The following NBAS variants were observed in gnomAD, a reference collection of about 807,000 sequenced individuals.
NBAS encodes NBAS subunit of NRZ tethering complex, also known as NAG/BC035112 fusion.
A neutral mutation model predicts 302.5 loss-of-function variants in NBAS; 219 were observed. The observed-to-expected ratio is 0.72, with a 90% CI of 0.65 to 0.81. The LOEUF (loss-of-function observed/expected upper bound fraction) is 0.81. NBAS is among the 30% of genes least tolerant of loss of function. NBAS has a pLI of 0.00. For synonymous variants in NBAS, 1,118 were observed against 1,021.6 expected, an observed-to-expected ratio of 1.09 and a Z score of -1.80; for missense variants, 2,932 against 2,841.6, an observed-to-expected ratio of 1.03 and a Z score of -0.72.
the NBAS span, among the ~76,000 whole-genome samples, chr2:14,844,773 C>T: frequency 6.6e-6 from 1 of 152,196 alleles, no homozygotes; most frequent in African/African-American, 2.4e-5. Flanking sequence ...GCAGTACTCC[C>T]TGAAAGCCTG....
the NBAS span, among the ~76,000 whole-genome samples, chr2:15,137,938 A>C: frequency 6.6e-6 from 1 of 152,094 alleles, no homozygotes; most frequent in African/African-American, 2.4e-5. Context: ...TCCAGCTAAA[A>C]TGGCAGGATT....
chr2:15,001,512 A>T, the NBAS span, among the ~76,000 whole-genome samples: 3 of 152,182 alleles, frequency 2.0e-5, no homozygotes, highest in Non-Finnish European at 4.4e-5. Context: ...AAACCTACAT[A>T]CTTAGATTAC....
chr2:15,343,301 G>C (rs570253480), intron 35 of NBAS, among the ~76,000 whole-genome samples: 4 of 152,236 alleles, frequency 2.6e-5, no homozygotes, highest in African/African-American at 9.6e-5. Flanking sequence ...ACATATTCTG[G>C]AGTGAAGTGC....
the NBAS span, among the ~76,000 whole-genome samples, chr2:14,894,223 C>A: frequency 6.6e-6 from 1 of 151,944 alleles, no homozygotes; most frequent in East Asian, 1.9e-4. Flanking sequence ...AGAGAGTAAA[C>A]CAAGAAAGAA....
chr2:15,422,318 A>G (rs768960486), intron 23 of NBAS, among the ~76,000 whole-genome samples: 2 of 152,082 alleles, frequency 1.3e-5, no homozygotes, highest in Non-Finnish European at 2.9e-5. Flanking sequence ...TTCTTTTTAG[A>G]GCTGAGTAAA....
In NBAS at chr2:15,417,511, T is replaced by G. The variant is rs2148463602; in HGVS notation, c.2763+16A>C. The G allele has an allele frequency of 1.2e-6, 2 of 1,600,786 alleles. No individual in the cohort carries two copies. The highest frequency in any genetic ancestry group is 1.7e-6 in the Non-Finnish European group (2 of 1,169,074). ...TGCTTTAAAATATTTAAAAAGGAAG[T>G]TAAAATAAAACCTACACTATTCATC... On this transcript the variant is annotated intron_variant, in intron 24 of 51. Coordinates refer to ENST00000281513, the MANE Select transcript of NBAS (RefSeq NM_015909.4).
chr2:15,160,927 T>C, the NBAS span, among the ~76,000 whole-genome samples: 1 of 152,324 alleles, frequency 6.6e-6, no homozygotes, highest in East Asian at 1.9e-4. Context: ...AGAACTCTTT[T>C]GCCTAACAGA....
At chr2:15,515,108 G>A (rs749796429) in intron 9 of NBAS, among the ~76,000 whole-genome samples, 1 of 152,198 alleles carries the variant, frequency 6.6e-6, no homozygotes. Flanking sequence ...TAAAGGGGAA[G>A]AAATGGAGAT....
chr2:15,396,890 C>T (rs927844736), intron 26 of NBAS, among the ~76,000 whole-genome samples: 1 of 152,216 alleles, frequency 6.6e-6, no homozygotes, highest in South Asian at 2.1e-4. Flanking sequence ...TAGGACCCCT[C>T]CTCTCCAGGA....
At chr2:15,302,055 C>T (rs146396782) in intron 40 of NBAS, among the ~76,000 whole-genome samples, 2 of 152,244 alleles carry the variant, frequency 1.3e-5, no homozygotes, top group African/African-American at 4.8e-5. Context: ...GTGATGTTCA[C>T]GAGGCTGTCG....
At chr2:15,105,372 C>T in the NBAS span, among the ~76,000 whole-genome samples, 7 of 151,450 alleles carry the variant, frequency 4.6e-5, no homozygotes, top group African/African-American at 1.7e-4. Context: ...CAAACCTGCA[C>T]ATTCTGCACA....
the NBAS span, among the ~76,000 whole-genome samples, chr2:14,832,251 A>T: frequency 6.6e-6 from 1 of 152,206 alleles, no homozygotes; most frequent in African/African-American, 2.4e-5. Flanking sequence ...CTAAATAGCA[A>T]AAGGACAGAC....
At chr2:14,972,589 G>T in the NBAS span, among the ~76,000 whole-genome samples, 1 of 152,124 alleles carries the variant, frequency 6.6e-6, no homozygotes, top group Non-Finnish European at 1.5e-5. Flanking sequence ...TTCACATGTG[G>T]TATTGAATTT....
At chr2:15,347,783 A>G (rs903038629) in intron 35 of NBAS, among the ~76,000 whole-genome samples, 16 of 152,354 alleles carry the variant, frequency 1.1e-4, no homozygotes, top group African/African-American at 3.4e-4. Context: ...ATAATGACCA[A>G]CATTAATAAG....
chr2:14,897,813 CA>C, the NBAS span, among the ~76,000 whole-genome samples: 4 of 152,120 alleles, frequency 2.6e-5, no homozygotes, highest in Admixed American at 6.5e-5. Context: ...CGGTGGTTAA[CA>C]ATGAGACTGT....
rs1476690907 is a variant in NBAS at position 15,383,331 on chromosome 2, T to C, written c.3258-14A>G. On this transcript the variant is annotated splice_polypyrimidine_tract_variant and intron_variant, in intron 28 of 51. Coordinates refer to ENST00000281513, the MANE Select transcript of NBAS (RefSeq NM_015909.4). ...ACAGGAGGCTGCCTGGAAAAACACA[T>C]AAAAAAGACAAGGAAGAGGGAAAGA... 5.6e-6 allele frequency: 9 copies of C among 1,605,088 alleles called. No individual in the cohort carries two copies. The highest frequency in any genetic ancestry group is 1.7e-5 in the Admixed American group (1 of 59,964).
chr2:15,165,975 C>T (rs1465431880), downstream of NBAS, among the ~76,000 whole-genome samples: 2 of 152,142 alleles, frequency 1.3e-5, no homozygotes, highest in Non-Finnish European at 2.9e-5. Context: ...TCCAACGGCC[C>T]CCCGGTCACT....
intron 35 of NBAS, among the ~76,000 whole-genome samples, chr2:15,347,427 T>A (rs1673145917): frequency 6.6e-6 from 1 of 152,202 alleles, no homozygotes; most frequent in Non-Finnish European, 1.5e-5. Context: ...ATGGAAGAAG[T>A]AAATGCTGGC....
chr2:14,997,423 A>G, the NBAS span, among the ~76,000 whole-genome samples: 1 of 151,394 alleles, frequency 6.6e-6, no homozygotes, highest in East Asian at 1.9e-4. Context: ...ACATTTGCCC[A>G]GCACTGACCC....
Sources: gnomAD v4.1 joint callset for allele counts (sites outside exome capture counted in the v4.1 genomes callset) on GRCh38, gnomAD v4.1.1 for gene constraint, MANE v1.5 for transcripts, NCBI Gene and HGNC (gene_info 2026-07-23, HGNC 2026-07-21) for gene names.